ADGRL2: variants seen among roughly 807,000 people sequenced by gnomAD.
ADGRL2 encodes adhesion G protein-coupled receptor L2.
A neutral mutation model predicts 157.4 loss-of-function variants in ADGRL2; 44 were observed. The observed-to-expected ratio is 0.28, with a 90% confidence interval of 0.22 to 0.36. The LOEUF is 0.36. Ranked by LOEUF, ADGRL2 falls within the 10% of genes least tolerant of loss-of-function variation. The probability of loss-of-function intolerance (pLI) is 1.00; values close to 1 mark genes in which losing one functional copy is unlikely to be tolerated. For synonymous variants in ADGRL2, 585 were observed against 624.7 expected (o/e 0.94, Z 0.95); for missense variants, 1,510 against 1,768.9 (o/e 0.85, Z 2.63).
At chr1:81,803,656 T>A (rs1378062814) in intron 1 of ADGRL2, among the ~76,000 whole-genome samples, 1 of 152,114 alleles carries the variant, frequency 6.6e-6, no homozygotes, top group Non-Finnish European at 1.5e-5. Context: ...TCAGGCTGCT[T>A]AGCAGCTTCT....
chr1:81,861,086 G>A (rs917777275), intron 2 of ADGRL2, among the ~76,000 whole-genome samples: 6 of 143,562 alleles, frequency 4.2e-5, no homozygotes, highest in Non-Finnish European at 7.5e-5. Flanking sequence ...GCACAATCTC[G>A]GCTCACTGCA....
At chr1:81,789,424 C>CT (rs1557653206) in intron 2 of ADGRL2, among the ~76,000 whole-genome samples, 2 of 151,934 alleles carry the variant, frequency 1.3e-5, no homozygotes, top group East Asian at 1.9e-4. Flanking sequence ...ATTTTGAAAA[C>CT]TTTTTTTAAA....
At chr1:81,536,362 C>A (rs957261846) in intron 2 of ADGRL2, among the ~76,000 whole-genome samples, 1 of 152,130 alleles carries the variant, frequency 6.6e-6, no homozygotes, top group Non-Finnish European at 1.5e-5. Flanking sequence ...AAACAAAATT[C>A]TCCATGTGAA....
At chr1:81,354,874 G>A (rs767857591) in intron 1 of ADGRL2, among the ~76,000 whole-genome samples, 2 of 152,070 alleles carry the variant, frequency 1.3e-5, no homozygotes, top group African/African-American at 2.4e-5. Flanking sequence ...TAAAATCAGG[G>A]AATATAAAAT....
chr1:81,930,765 C>T (rs918848101), intron 3 of ADGRL2, among the ~76,000 whole-genome samples: 16 of 152,074 alleles, frequency 1.1e-4, no homozygotes, highest in Admixed American at 6.6e-4. Flanking sequence ...CAGAATTGAA[C>T]CATTGAAACC....
chr1:81,602,283 A>C (rs2081347572), intron 3 of ADGRL2, among the ~76,000 whole-genome samples: 4 of 151,898 alleles, frequency 2.6e-5, no homozygotes, highest in Admixed American at 2.6e-4. Context: ...CACATGATGA[A>C]ACCCTGTCTC....
At chr1:81,888,682 G>A (rs1396878139) in intron 2 of ADGRL2, among the ~76,000 whole-genome samples, 1 of 152,096 alleles carries the variant, frequency 6.6e-6, no homozygotes, top group African/African-American at 2.4e-5. Flanking sequence ...TCGATCTCCT[G>A]ACCTCGTGAT....
chr1:81,822,027 A>T (rs2091027812), intron 1 of ADGRL2, among the ~76,000 whole-genome samples: 3 of 18,366 alleles, frequency 1.6e-4, no homozygotes, highest in South Asian at 1.2e-3. Flanking sequence ...AATATCAGAA[A>T]CTTTTTTTTT....
chr1:81,703,048 C>T (rs1458315351), intron 1 of ADGRL2, among the ~76,000 whole-genome samples: 1 of 152,142 alleles, frequency 6.6e-6, no homozygotes, highest in Non-Finnish European at 1.5e-5. Context: ...GTCAATCGCG[C>T]TGATTAATAC....
At chr1:81,859,654 C>G (rs1451333007) in intron 2 of ADGRL2, among the ~76,000 whole-genome samples, 1 of 152,064 alleles carries the variant, frequency 6.6e-6, no homozygotes, top group African/African-American at 2.4e-5. Flanking sequence ...GCAATCCACC[C>G]ACCTTGGCCT....
chr1:81,591,590 T>C (rs1056076673), intron 3 of ADGRL2, among the ~76,000 whole-genome samples: 4 of 152,176 alleles, frequency 2.6e-5, no homozygotes, highest in African/African-American at 9.7e-5. Flanking sequence ...GTTCATGACA[T>C]TGTGTAATCC....
At chr1:81,668,090 A>G (rs555959837) in intron 3 of ADGRL2, among the ~76,000 whole-genome samples, 1 of 152,294 alleles carries the variant, frequency 6.6e-6, no homozygotes, top group East Asian at 1.9e-4. Context: ...AGTAGCACCT[A>G]ATTTATTAGC....
intron 2 of ADGRL2, among the ~76,000 whole-genome samples, chr1:81,789,059 T>A (rs2087199115): frequency 6.6e-6 from 1 of 152,116 alleles, no homozygotes; most frequent in South Asian, 2.1e-4. Context: ...TTTTAAGAGT[T>A]GACAGATGAT....
chr1:81,325,985 G>C (rs1411573600), intron 1 of ADGRL2, among the ~76,000 whole-genome samples: 1 of 152,030 alleles, frequency 6.6e-6, no homozygotes, highest in Non-Finnish European at 1.5e-5. Context: ...TTTTCCCATT[G>C]GTAGTGCTTC....
At chr1:81,352,189 C>T (rs560032160) in intron 1 of ADGRL2, among the ~76,000 whole-genome samples, 123 of 152,290 alleles carry the variant, frequency 8.1e-4, no homozygotes, top group African/African-American at 2.5e-3. Context: ...AGCCCGGATG[C>T]CCAAGTTAAA....
chr1:81,860,591 C>T (rs1407027215), intron 2 of ADGRL2, among the ~76,000 whole-genome samples: 1 of 152,040 alleles, frequency 6.6e-6, no homozygotes, highest in South Asian at 2.1e-4. Context: ...GGAAAAATAC[C>T]CCATGGTAAC....
At chr1:81,907,306 C>A (rs947528311) in intron 3 of ADGRL2, 76 bp downstream of exon 3, 7 of 1,253,638 alleles carry the variant, frequency 5.6e-6, no homozygotes, top group Admixed American at 1.7e-5. Flanking sequence ...TATTCCAAAG[C>A]GAATGGATAT....
intron 2 of ADGRL2, among the ~76,000 whole-genome samples, chr1:81,771,174 GT>G (rs1374271169): frequency 6.6e-6 from 1 of 152,032 alleles, no homozygotes; most frequent in Admixed American, 6.6e-5. Flanking sequence ...TAAGTTGTTG[GT>G]TTTTTGTAGA....
intron 3 of ADGRL2, among the ~76,000 whole-genome samples, chr1:81,662,961 C>G (rs531010405): frequency 6.6e-6 from 1 of 152,086 alleles, no homozygotes; most frequent in African/African-American, 2.4e-5. Flanking sequence ...CAGAAAGCCA[C>G]GCACCAGAGA....
Sources: gnomAD v4.1 joint callset for allele counts (sites outside exome capture counted in the v4.1 genomes callset) on GRCh38, gnomAD v4.1.1 for gene constraint, MANE v1.5 for transcripts, NCBI Gene and HGNC (gene_info 2026-07-23, HGNC 2026-07-21) for gene names.